Variants in FAP observed in about 807,000 individuals in gnomAD.
FAP encodes the protein prolyl endopeptidase FAP.
Under a neutral mutation model 126.5 loss-of-function variants are expected in FAP, and 110 were observed. The ratio of observed to expected loss-of-function variants is 0.87; its 90% confidence interval spans 0.74 to 1.02. The LOEUF (loss-of-function observed/expected upper bound fraction) is 1.02, where lower values mean the gene tolerates loss of function less well. Among genes scored for constraint, FAP ranks in the 50% least tolerant of loss-of-function variants. The pLI is 0.00. For missense variants in FAP, 919 were observed against 909.2 expected (o/e 1.01, Z -0.14); for synonymous variants, 334 against 297.3 (o/e 1.12, Z -1.27).
At chr2:162,194,824 T>C in intron 16 of FAP, 76 bp from the exon 17 acceptor site, 1 of 1,297,168 alleles carries the variant, frequency 7.7e-7, no homozygotes, top group Middle Eastern at 1.8e-4. Flanking sequence ...CTGCTGGTAG[T>C]ATTTGTGATT....
intron 12 of FAP, among the ~76,000 whole-genome samples, chr2:162,203,418 C>G (rs558664667): frequency 1.3e-5 from 2 of 152,058 alleles, no homozygotes; most frequent in African/African-American, 4.8e-5. Context: ...ATTCCTAAGT[C>G]GAAGGTTATG....
chr2:162,208,546 GT>G (rs1226557208), intron 12 of FAP, among the ~76,000 whole-genome samples: 1 of 152,116 alleles, frequency 6.6e-6, no homozygotes, highest in Non-Finnish European at 1.5e-5. Flanking sequence ...AGTAAATCTA[GT>G]TATAGTATCA....
chr2:162,220,315 G>T (rs1689335852), intron 6 of FAP, among the ~76,000 whole-genome samples: 1 of 152,164 alleles, frequency 6.6e-6, no homozygotes, highest in Non-Finnish European at 1.5e-5. Context: ...GCTAGTTCTT[G>T]GCAGACCTTG....
chr2:162,207,693 A>T (rs907231284), intron 12 of FAP, among the ~76,000 whole-genome samples: 23 of 149,058 alleles, frequency 1.5e-4, no homozygotes, highest in Admixed American at 6.7e-5. Flanking sequence ...CAAAGGAGAC[A>T]TATGTGCCTC....
At position 162,213,925 on chromosome 2, in the gene FAP, T is replaced by C; in HGVS notation, c.1002+13A>G. 2 of 1,611,956 alleles carry C rather than the reference T, an allele frequency of 1.2e-6. No homozygotes were observed. Among genetic ancestry groups the C allele is most frequent in the East Asian group, 2.2e-5 (1 of 44,832 alleles). On this transcript the variant is annotated intron_variant, in intron 11 of 25. Coordinates refer to ENST00000188790, the MANE Select transcript of FAP (RefSeq NM_004460.5). ...CTTCAGAAATACGTATCTGTGATCT[T>C]AATATACCCTACCTTTGGACAATCC...
intron 25 of FAP, chr2:162,171,906 T>TTTCC (rs1255183340): frequency 6.6e-6 from 1 of 152,130 alleles, no homozygotes. Flanking sequence ...AAATTTCCTT[T>TTTCC]TATGTTGGGA....
chr2:162,191,462 C>T (rs762444357), intron 17 of FAP, among the ~76,000 whole-genome samples: 2 of 152,008 alleles, frequency 1.3e-5, no homozygotes, highest in Non-Finnish European at 2.9e-5. Flanking sequence ...AAACCCATAA[C>T]CTAGCAAAGG....
chr2:162,186,683 T>C (rs929241390), intron 20 of FAP, among the ~76,000 whole-genome samples: 6 of 152,134 alleles, frequency 3.9e-5, no homozygotes, highest in African/African-American at 1.2e-4. Context: ...AAATGAGGCA[T>C]AATTTTCATC....
At chr2:162,209,639 G>C (rs1278105221) in intron 12 of FAP, 1 of 220,708 alleles carries the variant, frequency 4.5e-6, no homozygotes, top group Non-Finnish European at 8.8e-6. Flanking sequence ...CAGGGATTTT[G>C]TCTCCTTTTG....
At chr2:162,198,993 T>A (rs1182840083) in intron 15 of FAP, 112 bp from the exon 16 acceptor site, 2 of 863,586 alleles carry the variant, frequency 2.3e-6, no homozygotes, top group African/African-American at 3.4e-5. Flanking sequence ...CCCACTCTAT[T>A]TTTCTGTTGC....
chr2:162,238,539 ATTTC>A (rs76840703), intron 2 of FAP, among the ~76,000 whole-genome samples: 5,309 of 152,230 alleles, frequency 0.035, 456 homozygotes, highest in Admixed American at 0.21. Flanking sequence ...TGCAAACTTG[ATTTC>A]TTTATCTTGA....
chr2:162,180,516 T>C (rs1321691875), intron 21 of FAP, among the ~76,000 whole-genome samples: 4 of 152,064 alleles, frequency 2.6e-5, no homozygotes, highest in Admixed American at 6.6e-5. Context: ...AAGCTAAAGT[T>C]TGAGAATTTC....
chr2:162,237,129 G>C (rs1425634044), intron 2 of FAP, among the ~76,000 whole-genome samples: 1 of 152,048 alleles, frequency 6.6e-6, no homozygotes, highest in East Asian at 1.9e-4. Context: ...ATAAGTTCTT[G>C]GTTCTCTATA....
intron 11 of FAP, among the ~76,000 whole-genome samples, chr2:162,211,056 CCT>C (rs1688914366): frequency 6.6e-6 from 1 of 152,150 alleles, no homozygotes; most frequent in East Asian, 1.9e-4. Context: ...TATTTCCCAG[CCT>C]TCCTTCAGTT....
intron 2 of FAP, among the ~76,000 whole-genome samples, chr2:162,234,782 C>A (rs971267487): frequency 6.6e-6 from 1 of 152,184 alleles, no homozygotes; most frequent in South Asian, 2.1e-4. Context: ...CTTCAGCCCG[C>A]CGCTGCACCG....
At chr2:162,243,271 A>G in intron 1 of FAP, 51 bp downstream of exon 1, 1 of 1,380,892 alleles carries the variant, frequency 7.2e-7, no homozygotes, top group South Asian at 1.2e-5. Flanking sequence ...GATCACGTTC[A>G]ATCCAGCCAA....
In FAP at chr2:162,215,985, G is replaced by A. The variant is rs1689147282; in HGVS notation, c.779C>T (p.Pro260Leu). The change falls in exon 10 of 26, where the codon CCC (proline) becomes CTC (leucine). Residue 260 changes from proline to leucine, a missense_variant. Transcript: ENST00000188790. ...IPYPKAGAKN[P>L]VVRIFIIDTT... ...ATCGATAATAAATATCCGAACAACG[G>A]GATTCTTAGCTCCAGCCTGCCAAGA... 6.2e-7 allele frequency: 1 copy of A among 1,613,766 alleles called. No individual in the cohort carries two copies.
chr2:162,220,942 CA>C (rs1192038271), intron 6 of FAP, among the ~76,000 whole-genome samples: 1 of 152,070 alleles, frequency 6.6e-6, no homozygotes, highest in African/African-American at 2.4e-5. Context: ...CCAACCCCTC[CA>C]AAAAAAGCTC....
At chr2:162,179,547 C>T (rs1687609813) in intron 21 of FAP, among the ~76,000 whole-genome samples, 1 of 151,998 alleles carries the variant, frequency 6.6e-6, no homozygotes, top group African/African-American at 2.4e-5. Context: ...ATGAGAGAAA[C>T]TAACAGACAG....
Sources: gnomAD v4.1 joint callset for allele counts (sites outside exome capture counted in the v4.1 genomes callset) on GRCh38, gnomAD v4.1.1 for gene constraint, MANE v1.5 for transcripts, NCBI Gene and HGNC (gene_info 2026-07-23, HGNC 2026-07-21) for gene names.